ARB2A: variants seen among roughly 807,000 people sequenced by gnomAD.
ARB2A encodes the protein cotranscriptional regulator ARB2A.
chr5:93,708,890 A>G, the ARB2A span, among the ~76,000 whole-genome samples: 2 of 152,220 alleles, frequency 1.3e-5, no homozygotes, highest in African/African-American at 4.8e-5. Flanking sequence ...CTTGAAATTT[A>G]AATTTAAACG....
At chr5:94,035,156 C>T in the ARB2A span, among the ~76,000 whole-genome samples, 1 of 146,722 alleles carries the variant, frequency 6.8e-6, no homozygotes, top group East Asian at 2.0e-4. Flanking sequence ...GGAGCCCTGG[C>T]TTTTTACTAA....
At chr5:93,972,297 G>A in the ARB2A span, among the ~76,000 whole-genome samples, 1 of 152,040 alleles carries the variant, frequency 6.6e-6, no homozygotes, top group Non-Finnish European at 1.5e-5. Context: ...CAACATCTGA[G>A]AAAGCCAGTT....
chr5:93,805,838 G>A, the ARB2A span: 1 of 985,042 alleles, frequency 1.0e-6, no homozygotes, highest in East Asian at 1.1e-4. Context: ...ACACTTGTTG[G>A]TTGTATACAG....
the ARB2A span, among the ~76,000 whole-genome samples, chr5:93,848,102 G>A: frequency 6.6e-6 from 1 of 152,200 alleles, no homozygotes; most frequent in African/African-American, 2.4e-5. Flanking sequence ...AAGAGAGATG[G>A]TGCCAGGTAC....
the ARB2A span, among the ~76,000 whole-genome samples, chr5:93,700,564 G>A: frequency 6.6e-6 from 1 of 152,028 alleles, no homozygotes; most frequent in Admixed American, 6.6e-5. Flanking sequence ...GCTATTATCT[G>A]AGTGTTACTA....
the ARB2A span, among the ~76,000 whole-genome samples, chr5:93,684,484 A>G: frequency 6.6e-6 from 1 of 152,298 alleles, no homozygotes; most frequent in South Asian, 2.1e-4. Context: ...CTCCTGTTTT[A>G]AGCACATAAC....
At chr5:93,693,956 A>G in the ARB2A span, among the ~76,000 whole-genome samples, 1 of 152,348 alleles carries the variant, frequency 6.6e-6, no homozygotes, top group Admixed American at 6.5e-5. Flanking sequence ...TGATTATCTC[A>G]ATAGATGCAG....
At chr5:93,988,547 C>T in the ARB2A span, among the ~76,000 whole-genome samples, 1 of 152,176 alleles carries the variant, frequency 6.6e-6, no homozygotes, top group East Asian at 1.9e-4. Context: ...AAGAAACTTG[C>T]ACTTCCTTCC....
chr5:93,738,337 A>C, the ARB2A span: 9 of 152,670 alleles, frequency 5.9e-5, no homozygotes, highest in African/African-American at 1.9e-4. Context: ...ACTCTTGTAG[A>C]TTGCTGGTGG....
chr5:93,841,289 GCATATATACC>G, the ARB2A span, among the ~76,000 whole-genome samples: 1 of 152,126 alleles, frequency 6.6e-6, no homozygotes, highest in Non-Finnish European at 1.5e-5. Flanking sequence ...AAGAATGGTA[GCATATATACC>G]CAACATGGCC....
chr5:93,899,878 G>T, the ARB2A span, among the ~76,000 whole-genome samples: 1 of 152,042 alleles, frequency 6.6e-6, no homozygotes, highest in Non-Finnish European at 1.5e-5. Context: ...ACTAGTTTGG[G>T]AAAAAAGTAA....
the ARB2A span, chr5:93,881,812 T>C: frequency 2.1e-6 from 1 of 469,198 alleles, no homozygotes; most frequent in Non-Finnish European, 3.6e-6. Context: ...AAAATACTCC[T>C]TTAGGCAAGA....
chr5:93,859,081 C>T, the ARB2A span, among the ~76,000 whole-genome samples: 1 of 151,882 alleles, frequency 6.6e-6, no homozygotes, highest in Non-Finnish European at 1.5e-5. Flanking sequence ...GAACAAAACC[C>T]AGGAATAAAG....
At chr5:94,054,974 A>C in the ARB2A span, among the ~76,000 whole-genome samples, 2 of 152,020 alleles carry the variant, frequency 1.3e-5, no homozygotes, top group Non-Finnish European at 2.9e-5. Context: ...CTTTTCATGC[A>C]CTTCCTTACT....
chr5:93,866,489 CCAG>C, the ARB2A span, among the ~76,000 whole-genome samples: 2 of 151,942 alleles, frequency 1.3e-5, no homozygotes, highest in African/African-American at 4.8e-5. Context: ...GAGGAAAAGG[CCAG>C]AAGAGAGGCC....
At chr5:93,757,034 T>C in the ARB2A span, among the ~76,000 whole-genome samples, 1 of 151,872 alleles carries the variant, frequency 6.6e-6, no homozygotes, top group African/African-American at 2.4e-5. Context: ...GAAAGGACAA[T>C]CGAAAATTCA....
At chr5:93,735,905 ATGT>A in the ARB2A span, 1 of 151,966 alleles carries the variant, frequency 6.6e-6, no homozygotes, top group Admixed American at 6.5e-5. Flanking sequence ...CTGCTTGATG[ATGT>A]TGTGGATTCA....
chr5:93,728,687 A>ACATTAG, the ARB2A span, among the ~76,000 whole-genome samples: 3 of 152,218 alleles, frequency 2.0e-5, no homozygotes, highest in Middle Eastern at 0.01. Context: ...GTACTAAATT[A>ACATTAG]CATTAGTTCC....
At chr5:93,922,909 G>T in the ARB2A span, among the ~76,000 whole-genome samples, 2 of 151,990 alleles carry the variant, frequency 1.3e-5, no homozygotes, top group African/African-American at 2.4e-5. Flanking sequence ...GGTAGAAAAA[G>T]AATTGGTACC....
Sources: allele counts gnomAD v4.1 joint callset (sites outside exome capture counted in the v4.1 genomes callset), GRCh38; gene constraint gnomAD v4.1.1; transcripts MANE v1.5; gene names NCBI Gene and HGNC (gene_info 2026-07-23, HGNC 2026-07-21).